The following CDON variants were observed in gnomAD, a reference collection of about 807,000 sequenced individuals.
The protein encoded by CDON is cell adhesion associated, oncogene regulated.
CDON carries 73 observed loss-of-function variants against 120.9 expected under a neutral mutation model. The observed-to-expected ratio is 0.60, with a 90% CI of 0.50 to 0.73. The LOEUF (loss-of-function observed/expected upper bound fraction) is 0.73. Among genes scored for constraint, CDON ranks in the 30% least tolerant of loss-of-function variants. The pLI is 0.00. For missense variants in CDON, 1,470 were observed against 1,587.3 expected, an observed-to-expected ratio of 0.93 and a Z score of 1.26; for synonymous variants, 566 against 573.5, an observed-to-expected ratio of 0.99 and a Z score of 0.19.
At chr11:126,017,004 T>C (rs1947487528) in intron 6 of CDON, 84 bp downstream of exon 6, 12 of 1,167,298 alleles carry the variant, frequency 1.0e-5, no homozygotes, top group Non-Finnish European at 1.4e-5. Flanking sequence ...CCTATTTCAA[T>C]TTCACAAATA....
intron 14 of CDON, 42 bp downstream of exon 14, chr11:125,994,242 C>A: frequency 9.9e-7 from 1 of 1,010,232 alleles, no homozygotes; most frequent in East Asian, 2.4e-5. Flanking sequence ...CTTCTTTCTC[C>A]AAAGCGCCTT....
At chr11:126,019,118 T>G (rs959293995) in intron 4 of CDON, among the ~76,000 whole-genome samples, 2 of 152,138 alleles carry the variant, frequency 1.3e-5, no homozygotes, top group Non-Finnish European at 2.9e-5. Flanking sequence ...TCATTTTTTT[T>G]CCACAAATAC....
At chr11:126,033,224 G>A (rs1947994224) in intron 1 of CDON, among the ~76,000 whole-genome samples, 1 of 152,076 alleles carries the variant, frequency 6.6e-6, no homozygotes, top group African/African-American at 2.4e-5. Context: ...GGTCTTCTGT[G>A]GTCTGCTGCT....
At chr11:126,042,790 T>C (rs1329715332) in intron 1 of CDON, among the ~76,000 whole-genome samples, 1 of 152,162 alleles carries the variant, frequency 6.6e-6, no homozygotes, top group Non-Finnish European at 1.5e-5. Flanking sequence ...CTCGGCTTCT[T>C]TTTTTGTATT....
intron 18 of CDON, among the ~76,000 whole-genome samples, chr11:125,962,215 AC>A (rs1333430337): frequency 6.6e-6 from 1 of 152,208 alleles, no homozygotes; most frequent in Non-Finnish European, 1.5e-5. Context: ...CCAAAAGAAT[AC>A]TTAAGAATGC....
At chr11:126,000,751 T>A (rs780755773) in intron 11 of CDON, among the ~76,000 whole-genome samples, 57 of 152,264 alleles carry the variant, frequency 3.7e-4, no homozygotes, top group Non-Finnish European at 7.4e-4. Flanking sequence ...ACAGAGGTGC[T>A]TCGGAGGGAG....
At chr11:126,001,644 T>C (rs1946946968) in intron 11 of CDON, 75 bp downstream of exon 11, 3 of 1,316,302 alleles carry the variant, frequency 2.3e-6, no homozygotes, top group Non-Finnish European at 3.3e-6. Flanking sequence ...AAACACCCTA[T>C]TCCACCCCAC....
chr11:126,019,885 G>T, intron 3 of CDON, 120 bp from the exon 4 acceptor site: 1 of 825,902 alleles, frequency 1.2e-6, no homozygotes, highest in Non-Finnish European at 2.0e-6. Context: ...GCTGACCCCA[G>T]TCCAGAGGGC....
At chr11:126,022,148 C>A (rs1947662655) in intron 2 of CDON, among the ~76,000 whole-genome samples, 1 of 148,598 alleles carries the variant, frequency 6.7e-6, no homozygotes, top group Admixed American at 6.7e-5. Context: ...TGGCAAACAG[C>A]TCTTTTAATA....
chr11:126,015,655 A>G, intron 6 of CDON, 145 bp from the exon 7 acceptor site: 1 of 838,334 alleles, frequency 1.2e-6, no homozygotes, highest in Non-Finnish European at 1.9e-6. Flanking sequence ...CTGCTGTGGT[A>G]ATCAAGAAAA....
In CDON at chr11:125,997,197, A is replaced by G; in HGVS notation, c.2362+10T>C. On this transcript the variant is annotated intron_variant, in intron 12 of 19. Transcript: ENST00000531738. ...ATCGATGGTAAAAGGAAACGTTTGA[A>G]TATTACTACCTGGTTCTAAACTACG... is the stretch of plus-strand genomic sequence containing the variant. The G allele has an allele frequency of 6.3e-7, 1 of 1,591,278 alleles. No homozygotes were observed. The highest frequency in any genetic ancestry group is 2.2e-5 in the East Asian group (1 of 44,752).
In CDON at chr11:126,015,348, C is replaced by G. The variant is rs1330383341; in HGVS notation, c.1091G>C (p.Gly364Ala). The G allele has an allele frequency of 3.1e-6, 5 of 1,614,142 alleles. No homozygotes were observed. The highest frequency in any genetic ancestry group is 2.2e-5 in the East Asian group (1 of 44,868). ...PSARHLTAGNGLKISGVTVED... is the reference protein window; with the variant it reads ...PSARHLTAGNALKISGVTVED... Reference sequence around the variant, plus strand: ...CACAGTAACCCCACTGATTTTCAGTCCGTTTCCTGCAGTTAGATGTCGTGC... The same window carrying G: ...CACAGTAACCCCACTGATTTTCAGTGCGTTTCCTGCAGTTAGATGTCGTGC... The change falls in exon 7 of 20, where the codon GGA becomes GCA. Residue 364 changes from glycine to alanine, a missense_variant. Transcript: ENST00000531738.
At chr11:126,001,957 A>G in intron 10 of CDON, 107 bp from the exon 11 acceptor site, 2 of 825,698 alleles carry the variant, frequency 2.4e-6, no homozygotes, top group African/African-American at 3.4e-5. Context: ...AAATTTATGA[A>G]CTTATCAGAC....
intron 7 of CDON, among the ~76,000 whole-genome samples, chr11:126,011,656 C>T (rs12283588): frequency 0.018 from 2,706 of 152,248 alleles, 66 homozygotes; most frequent in African/African-American, 0.058. Context: ...CTAGTATCTC[C>T]TTCCTAATGT....
intron 7 of CDON, 118 bp from the exon 8 acceptor site, chr11:126,010,812 T>TCC: frequency 1.3e-6 from 1 of 776,596 alleles, no homozygotes; most frequent in South Asian, 1.5e-5. Flanking sequence ...GATAGCTACC[T>TCC]CCTTATTAGT....
At position 125,997,213 on chromosome 11, in the gene CDON, C is replaced by G; in HGVS notation, c.2356G>C (p.Glu786Gln). ...AACGTTTGAATATTACTACCTGGTTCTAAACTACGAACTTCCACTGAAAGT... is the reference window on the plus strand; with the variant it reads ...AACGTTTGAATATTACTACCTGGTTGTAAACTACGAACTTCCACTGAAAGT... ...SKLSVEVRSL[E>Q]PGSTYKFRVI... is the part of the protein sequence containing the mutation. Residue 786 changes from glutamate to glutamine, a missense_variant, in exon 12 of 20, where the codon GAA becomes CAA. By Grantham distance (29) the Glu-to-Gln change is conservative. Coordinates refer to ENST00000531738, the MANE Select transcript of CDON (RefSeq NM_001378964.1). The G allele has an allele frequency of 1.2e-6, 2 of 1,610,984 alleles. No individual in the cohort carries two copies. The highest frequency in any genetic ancestry group is 2.2e-5 in the South Asian group (2 of 91,004).
chr11:126,056,845 AC>A (rs1948692939), intron 1 of CDON, among the ~76,000 whole-genome samples: 1 of 152,172 alleles, frequency 6.6e-6, no homozygotes, highest in South Asian at 2.1e-4. Context: ...TCCTAGCTCC[AC>A]TTTCTTCCTT....
At chr11:126,045,223 T>C (rs1948375117) in intron 1 of CDON, among the ~76,000 whole-genome samples, 7 of 152,166 alleles carry the variant, frequency 4.6e-5, no homozygotes, top group Admixed American at 4.6e-4. Context: ...AGACGGAGTT[T>C]CACCATGTTG....
chr11:126,001,974 T>C, intron 10 of CDON, 124 bp from the exon 11 acceptor site: 1 of 752,014 alleles, frequency 1.3e-6, no homozygotes, highest in Non-Finnish European at 2.3e-6. Flanking sequence ...AGACACAGCA[T>C]CTAAATGTAA....
Sources: gnomAD v4.1 joint callset for allele counts (sites outside exome capture counted in the v4.1 genomes callset) on GRCh38, gnomAD v4.1.1 for gene constraint, MANE v1.5 for transcripts, NCBI Gene and HGNC (gene_info 2026-07-23, HGNC 2026-07-21) for gene names.